GLI1: variants seen among roughly 807,000 people sequenced by gnomAD.
GLI1 encodes the protein GLI family zinc finger 1.
A neutral mutation model predicts 87.8 loss-of-function variants in GLI1; 51 were observed. The observed-to-expected ratio is 0.58, with a 90% CI of 0.46 to 0.73. GLI1 has a LOEUF of 0.73. Among genes scored for constraint, GLI1 ranks in the 30% least tolerant of loss-of-function variants. The pLI is 0.00. For missense variants in GLI1, 1,292 were observed against 1,437.2 expected (o/e 0.90, Z 1.63); for synonymous variants, 528 against 558.2 (o/e 0.95, Z 0.76).
intron 10 of GLI1, 52 bp from the exon 11 acceptor site, chr12:57,469,379 T>C: frequency 1.8e-5 from 28 of 1,580,434 alleles, no homozygotes; most frequent in Non-Finnish European, 2.4e-5. Flanking sequence ...ACTCATCAAG[T>C]TGAAGGAGCT....
chr12:57,464,655 C>A lies in GLI1; in HGVS notation c.194-18C>A. The A allele has an allele frequency of 6.2e-7, 1 of 1,604,298 alleles. No individual in the cohort carries two copies. Among genetic ancestry groups the A allele is most frequent in the Non-Finnish European group, 8.5e-7 (1 of 1,171,718 alleles). On this transcript the variant is annotated intron_variant, in intron 3 of 11. Coordinates refer to ENST00000228682, the MANE Select transcript of GLI1 (RefSeq NM_005269.3). ...CATGCCCCTTTACCATATCCGTCTC[C>A]GCTGTCTCCTGCCCCAGGCCCACTC... is the stretch of plus-strand genomic sequence containing the variant.
intron 10 of GLI1, among the ~76,000 whole-genome samples, chr12:57,468,911 C>T (rs779222552): frequency 1.7e-4 from 26 of 152,086 alleles, no homozygotes; most frequent in East Asian, 3.9e-4. Context: ...GCCACCACGC[C>T]GGGCTAATTT....
intron 1 of GLI1, among the ~76,000 whole-genome samples, chr12:57,461,301 C>T (rs1871124639): frequency 6.6e-6 from 1 of 151,934 alleles, no homozygotes; most frequent in South Asian, 2.1e-4. Flanking sequence ...GTGTGGTTTT[C>T]CCTAGGGGGC....
chr12:57,465,071 T>C (rs374253371), intron 4 of GLI1, 40 bp from the exon 5 acceptor site: 1 of 1,605,416 alleles, frequency 6.2e-7, no homozygotes, highest in South Asian at 1.1e-5. Context: ...TTCCTGAGAC[T>C]TCCTAATTGT....
chr12:57,464,999 T>C (rs1468265422), intron 4 of GLI1, 112 bp from the exon 5 acceptor site: 1 of 1,275,030 alleles, frequency 7.8e-7, no homozygotes, highest in African/African-American at 1.5e-5. Context: ...AGTACTTCCC[T>C]GGGACTGCCT....
rs757139167 is a variant in GLI1 at position 57,471,724 on chromosome 12, T to C, written c.2984T>C (p.Leu995Ser). 3.2e-6 allele frequency: 5 copies of C among 1,578,954 alleles called. No individual in the cohort carries two copies. The South Asian group carries it at 3.6e-5, about 11-fold the overall frequency. ...GCACCACCTCGACTTCTGCCCCCAT[T>C]GCCCACTTGCTATGGGCCTCTCAAA... ...AAAPPRLLPPLPTCYGPLKVG... is the reference protein window; with the variant it reads ...AAAPPRLLPPSPTCYGPLKVG... The change falls in exon 12 of 12, where the codon TTG (leucine) becomes TCG (serine). Residue 995 changes from leucine (L) to serine (S), a missense_variant. Transcript: ENST00000228682. The surrounding 1 kb of genome is among the most constrained non-coding windows in gnomAD (Gnocchi z 4.9).
At position 57,469,453 on chromosome 12, in the gene GLI1, C is replaced by A. The variant is rs1565600752; in HGVS notation, c.1331C>A (p.Ala444Asp). ...GAMKPQPSPG[A>D]QSSCSSDHSP... ...CAGAAGCCACAGCCAAGCCCTGGGGCCCAGTCATCCTGCAGCAGTGACCAC... is the reference window on the plus strand; with the variant it reads ...CAGAAGCCACAGCCAAGCCCTGGGGACCAGTCATCCTGCAGCAGTGACCAC... Residue 444 changes from alanine to aspartate, a missense_variant, in exon 11 of 12, where the codon GCC becomes GAC. This residue lies in a region of GLI1 where 897 missense variants were observed against 1,040.7 expected (regional missense o/e 0.86). Transcript: ENST00000228682. 1 of 1,613,952 alleles carries A rather than the reference C, an allele frequency of 6.2e-7. No individual in the cohort carries two copies. Among genetic ancestry groups the A allele is most frequent in the East Asian group, 2.2e-5 (1 of 44,890 alleles).
Position 57,463,747 on chromosome 12 carries a change from T to C in GLI1, c.56T>C (p.Leu19Pro). 1 of 1,611,426 alleles carries C rather than the reference T, an allele frequency of 6.2e-7. No homozygotes were observed. The highest frequency in any genetic ancestry group is 8.5e-7 in the Non-Finnish European group (1 of 1,179,380). Reference protein sequence around the residue: ...PISSYGEPCCLRPLPSQGAPS... With the variant: ...PISSYGEPCCPRPLPSQGAPS... ...AGTAGCTATGGCGAGCCCTGCTGTCTCCGGCCCCTCCCCAGTCAGGGGGCC... is the reference window on the plus strand; with the variant it reads ...AGTAGCTATGGCGAGCCCTGCTGTCCCCGGCCCCTCCCCAGTCAGGGGGCC... Residue 19 changes from leucine (L) to proline (P), a missense_variant, in exon 2 of 12, where the codon CTC (leucine) becomes CCC (proline). Leu to Pro is a moderately conservative substitution (Grantham distance 98). Transcript: ENST00000228682.
In GLI1 at chr12:57,465,171, G is replaced by T. The variant is rs769197999; in HGVS notation, c.450G>T (p.Gly150=). 2.5e-6 allele frequency: 4 copies of T among 1,614,026 alleles called. No homozygotes were observed. Among genetic ancestry groups the T allele is most frequent in the Non-Finnish European group, 3.4e-6 (4 of 1,179,888 alleles). Residue 150 remains glycine (G), a synonymous_variant, in exon 5 of 12, where the codon GGG becomes GGT. Transcript: ENST00000228682. ...NHQKGPSPSF[G]VQPCGPHDSA... ...AAAAAGGGCCCTCGCCTTCCTTTGG[G>T]GTCCAGCCTTGTGGTCCCCATGACT...
chr12:57,466,144 G>A (rs1871465349), intron 7 of GLI1, 96 bp from the exon 8 acceptor site: 1 of 1,291,784 alleles, frequency 7.7e-7, no homozygotes, highest in Non-Finnish European at 1.1e-6. Flanking sequence ...CCTTGAGGTG[G>A]AGTCGTGGAA....
chr12:57,466,084 G>A, intron 7 of GLI1, 156 bp from the exon 8 acceptor site: 1 of 1,049,758 alleles, frequency 9.5e-7, no homozygotes, highest in East Asian at 2.4e-5. Context: ...TTGCCTTAGG[G>A]AGCTGGAAGA....
intron 2 of GLI1, 68 bp from the exon 3 acceptor site, chr12:57,463,931 C>A: frequency 8.0e-7 from 1 of 1,253,494 alleles, no homozygotes; most frequent in Non-Finnish European, 1.2e-6. Flanking sequence ...GGGATCAGGT[C>A]ATGTCTGGGG....
At chr12:57,462,828 G>A (rs1367003489) in intron 1 of GLI1, among the ~76,000 whole-genome samples, 1 of 152,136 alleles carries the variant, frequency 6.6e-6, no homozygotes, top group East Asian at 1.9e-4. Context: ...CGGGACTGTG[G>A]CTAGGGCTCC....
chr12:57,469,236 G>A (rs900440428), intron 10 of GLI1, among the ~76,000 whole-genome samples, 195 bp from the exon 11 acceptor site: 5 of 152,194 alleles, frequency 3.3e-5, no homozygotes, highest in African/African-American at 7.2e-5. Context: ...CAGCCAGTCC[G>A]TGCTCCAGCC....
intron 1 of GLI1, among the ~76,000 whole-genome samples, chr12:57,461,273 A>T (rs1009215372): frequency 2.6e-5 from 4 of 151,888 alleles, no homozygotes; most frequent in African/African-American, 9.7e-5. Context: ...CCCGGGGGAT[A>T]TGTAAGGGTC....
Position 57,470,985 on chromosome 12 carries a change from G to A in GLI1, c.2245G>A (p.Gly749Ser). 1 of 1,612,932 alleles carries A rather than the reference G, an allele frequency of 6.2e-7. No individual in the cohort carries two copies. The highest frequency in any genetic ancestry group is 2.2e-5 in the East Asian group (1 of 44,880). ...TGAGCCTTATGGAGCGAGGGGTCCA[G>A]GCTCTCTGCCTCTTGGGCCTGGTCC... The part of the protein sequence containing the change: ...AAEPYGARGP[G>S]SLPLGPGPPT... The change falls in exon 12 of 12, where the codon GGC becomes AGC. Residue 749 changes from glycine (G) to serine (S), a missense_variant. Physicochemically the swap from Gly to Ser is moderately conservative, Grantham distance 56. Around this residue, in one of 3 missense-constraint regions of GLI1, gnomAD observed 897 missense variants for 1,040.7 expected, o/e 0.86. Transcript: ENST00000228682.
At chr12:57,470,278 C>T (rs1406171348) in intron 11 of GLI1, 39 bp from the exon 12 acceptor site, 18 of 1,470,974 alleles carry the variant, frequency 1.2e-5, no homozygotes, top group Non-Finnish European at 1.5e-5. Flanking sequence ...ATTTAGGAAG[C>T]TCCTTGACCA....
intron 1 of GLI1, among the ~76,000 whole-genome samples, chr12:57,461,538 C>G (rs1383687202): frequency 6.6e-6 from 1 of 152,226 alleles, no homozygotes; most frequent in Non-Finnish European, 1.5e-5. Flanking sequence ...ATTCTTCTCC[C>G]TTTCTAACCC....
At chr12:57,466,473 T>G in intron 8 of GLI1, 84 bp downstream of exon 8, 1 of 972,816 alleles carries the variant, frequency 1.0e-6, no homozygotes, top group East Asian at 2.6e-5. Flanking sequence ...GACTTTTGCT[T>G]TTATAAGTCC....
Sources: allele counts gnomAD v4.1 joint callset (sites outside exome capture counted in the v4.1 genomes callset), GRCh38; gene constraint gnomAD v4.1.1; regional missense constraint gnomAD v4.1.1; non-coding constraint Gnocchi (gnomAD v3.1); transcripts MANE v1.5; gene names NCBI Gene and HGNC (gene_info 2026-07-23, HGNC 2026-07-21).